MDN1: variants seen among roughly 807,000 people sequenced by gnomAD.
MDN1 encodes midasin.
In MDN1, 266 loss-of-function variants were observed where a neutral mutation model predicts 669.2. The ratio of observed to expected loss-of-function variants is 0.40; its 90% confidence interval spans 0.36 to 0.44. The LOEUF is 0.44. MDN1 is among the 20% of genes least tolerant of loss of function. MDN1 has a pLI of 1.00. For synonymous variants in MDN1, 2,385 were observed against 2,457.1 expected, an observed-to-expected ratio of 0.97 and a Z score of 0.87; for missense variants, 5,940 against 6,754.0, an observed-to-expected ratio of 0.88 and a Z score of 4.22.
chr6:89,771,442 A>C (rs1005948973), intron 15 of MDN1, 119 bp downstream of exon 15: 1 of 842,386 alleles, frequency 1.2e-6, no homozygotes, highest in African/African-American at 1.7e-5. Flanking sequence ...ATCTGAGAAA[A>C]CTCTTTTTCT....
chr6:89,761,594 T>C (rs781715273), intron 17 of MDN1, 51 bp downstream of exon 17: 3 of 1,329,160 alleles, frequency 2.3e-6, no homozygotes, highest in South Asian at 2.6e-5. Flanking sequence ...TGAAACATTG[T>C]TTTGCATAAA....
At chr6:89,710,489 T>G (rs1479712328) in intron 50 of MDN1, among the ~76,000 whole-genome samples, 192 bp downstream of exon 50, 2 of 147,904 alleles carry the variant, frequency 1.4e-5, no homozygotes, top group Non-Finnish European at 3.0e-5. Context: ...GGCAACTTAG[T>G]AAGACCCTGT....
intron 82 of MDN1, among the ~76,000 whole-genome samples, chr6:89,671,679 G>A (rs984408113): frequency 6.6e-6 from 1 of 152,094 alleles, no homozygotes; most frequent in South Asian, 2.1e-4. Context: ...GAATGAGACC[G>A]TGTCCCAAAA....
chr6:89,708,513 TA>T lies in MDN1; in HGVS notation c.7880del (p.Leu2627Ter), dbSNP rs1446351070. On this transcript the variant is annotated frameshift_variant, in exon 51 of 102. Coordinates refer to ENST00000369393, the MANE Select transcript of MDN1 (RefSeq NM_014611.3). LOFTEE classifies it high-confidence loss of function. ...TDQPDQLFALLESAANKTIIY... is the reference protein window; with the variant it reads ...TDQPDQLFALXESAANKTIIY... ...TCACTTACTTGTTTGCAGCTGATTC[TA>T]AAAGGGCAAAGAGCTGGTCAGGCTG... The T allele has an allele frequency of 6.2e-7, 1 of 1,613,830 alleles. No homozygotes were observed. The highest frequency in any genetic ancestry group is 1.3e-5 in the African/African-American group (1 of 74,888).
intron 51 of MDN1, 22 bp from the exon 52 acceptor site, chr6:89,707,498 G>GT (rs768455419): frequency 5.1e-6 from 7 of 1,379,984 alleles, no homozygotes; most frequent in South Asian, 2.3e-5. Flanking sequence ...TTCAAAAAAC[G>GT]TAACAAATAG....
intron 57 of MDN1, 141 bp from the exon 58 acceptor site, chr6:89,699,868 G>A: frequency 8.6e-7 from 1 of 1,168,400 alleles, no homozygotes; most frequent in Non-Finnish European, 1.2e-6. Flanking sequence ...AAAATTCTCG[G>A]TGACTTTTAA....
At chr6:89,699,998 T>C (rs1813034637) in intron 57 of MDN1, 65 bp downstream of exon 57, 6 of 1,436,126 alleles carry the variant, frequency 4.2e-6, no homozygotes, top group African/African-American at 1.4e-5. Context: ...TTTATGGGTA[T>C]AGGATACACA....
At chr6:89,743,777 C>T (rs1489719667) in intron 29 of MDN1, 63 bp from the exon 30 acceptor site, 38 of 1,546,500 alleles carry the variant, frequency 2.5e-5, no homozygotes, top group Middle Eastern at 1.7e-4. Context: ...ATAAACACCC[C>T]CCCTCAGCAA....
chr6:89,707,225 G>C (rs1490877331), intron 52 of MDN1, 136 bp downstream of exon 52: 3 of 642,628 alleles, frequency 4.7e-6, no homozygotes, highest in African/African-American at 3.7e-5. Context: ...ATTGAGTAAG[G>C]GGACATGTTT....
At chr6:89,714,080 C>T (rs1814156605) in intron 46 of MDN1, among the ~76,000 whole-genome samples, 1 of 151,842 alleles carries the variant, frequency 6.6e-6, no homozygotes, top group Admixed American at 6.6e-5. Flanking sequence ...AAACAATCTG[C>T]ATGGTACCTA....
Position 89,680,696 on chromosome 6 carries a change from A to C in MDN1, c.12158T>G (p.Leu4053Arg). 6.2e-7 allele frequency: 1 copy of C among 1,614,152 alleles called. No individual in the cohort carries two copies. The highest frequency in any genetic ancestry group is 1.1e-5 in the South Asian group (1 of 91,088). Residue 4053 changes from leucine (L) to arginine (R), a missense_variant, in exon 74 of 102, where the codon CTT becomes CGT. Leu to Arg is a moderately radical substitution (Grantham distance 102, BLOSUM62 -2). Transcript: ENST00000369393. ...CCTGAGCTTTGGCAAGCGACGCAGA[A>C]GCTCCCCTTCCAAGCCGGAAGGAGC... ...GAAPSGLEGELLRRLPKLRKR... is the reference protein window; with the variant it reads ...GAAPSGLEGERLRRLPKLRKR...
At chr6:89,664,341 G>C (rs1168974846) in intron 85 of MDN1, 146 bp downstream of exon 85, 4 of 888,872 alleles carry the variant, frequency 4.5e-6, no homozygotes, top group Non-Finnish European at 6.9e-6. Flanking sequence ...AGCACATGCA[G>C]CTGCTGAGGT....
At chr6:89,745,152 A>AAAAAAAAAAAG in intron 29 of MDN1, 121 bp downstream of exon 29, 1 of 1,018,492 alleles carries the variant, frequency 9.8e-7, no homozygotes, top group South Asian at 2.6e-5. Context: ...AAAAAAAAAA[A>AAAAAAAAAAAG]GAAAAAAGAG....
In MDN1 at chr6:89,712,454, T is replaced by C. The variant is rs532998071; in HGVS notation, c.7430+121A>G. 5.6e-6 allele frequency: 6 copies of C among 1,076,080 alleles called. No homozygotes were observed. The Admixed American group carries it at 1.0e-4, about 19-fold the overall frequency. The allele number at this position is 1,076,080 out of a possible 1,614,324, so 66.7% of individuals were successfully genotyped here. On this transcript the variant is annotated intron_variant, in intron 48 of 101. Transcript: ENST00000369393. ...AATATCACAATGAACAATAAAACTA[T>C]GACAGCTACACAATAAATGGCCACA...
chr6:89,723,423 C>A, intron 39 of MDN1, 89 bp downstream of exon 39: 1 of 846,396 alleles, frequency 1.2e-6, no homozygotes, highest in Non-Finnish European at 1.8e-6. Context: ...AGTTAGAGAT[C>A]CTGATAATTT....
chr6:89,708,663 A>G (rs1195631990), intron 50 of MDN1, 35 bp from the exon 51 acceptor site: 11 of 1,600,268 alleles, frequency 6.9e-6, no homozygotes, highest in Non-Finnish European at 9.4e-6. Flanking sequence ...AAAATCAGAA[A>G]TATTGGAGAA....
At position 89,750,359 on chromosome 6, in the gene MDN1, T is replaced by C; in HGVS notation, c.3401A>G (p.Lys1134Arg). 4 of 1,607,440 alleles carry C rather than the reference T, an allele frequency of 2.5e-6. No homozygotes were observed. Among genetic ancestry groups the C allele is most frequent in the Non-Finnish European group, 3.4e-6 (4 of 1,174,546 alleles). Reference sequence around the variant, plus strand: ...GAATGGAATCTTAACCCTACCTTCCTTAAAGACAAGCTTCCCTGAGGAGTC... The same window carrying C: ...GAATGGAATCTTAACCCTACCTTCCCTAAAGACAAGCTTCCCTGAGGAGTC... ...TSDSSGKLVF[K>R]EGVLIDAMRK... Residue 1134 changes from lysine to arginine, a missense_variant, in exon 24 of 102, where the codon AAG (lysine) becomes AGG (arginine). Coordinates refer to ENST00000369393, the MANE Select transcript of MDN1 (RefSeq NM_014611.3).
At chr6:89,676,310 G>T in intron 76 of MDN1, 103 bp from the exon 77 acceptor site, 2 of 944,162 alleles carry the variant, frequency 2.1e-6, no homozygotes, top group Non-Finnish European at 3.4e-6. Flanking sequence ...CCAAGAGTCA[G>T]CTGTCTGAAT....
Position 89,694,188 on chromosome 6 carries a change from T to C in MDN1, c.9772-5A>G, listed in dbSNP as rs372317601. On this transcript the variant is annotated splice_region_variant and splice_polypyrimidine_tract_variant and intron_variant, in intron 61 of 101. Transcript: ENST00000369393. ...TTCACACTGCAGTTGGTGTAACTAA[T>C]GGAAAAGAGAGAAGTTAGTCCACTG... 115 of 1,611,330 alleles carry C rather than the reference T, an allele frequency of 7.1e-5. No individual in the cohort carries two copies. The highest frequency in any genetic ancestry group is 3.6e-5 in the Non-Finnish European group (42 of 1,177,632).
Sources: gnomAD v4.1 joint callset for allele counts (sites outside exome capture counted in the v4.1 genomes callset) on GRCh38, gnomAD v4.1.1 for gene constraint, MANE v1.5 for transcripts, NCBI Gene and HGNC (gene_info 2026-07-23, HGNC 2026-07-21) for gene names.